The following BEAN1 variants were observed in gnomAD, a reference collection of about 807,000 sequenced individuals.
BEAN1 encodes brain expressed associated with NEDD4 1.
BEAN1 carries 17 observed loss-of-function variants against 17.7 expected under a neutral mutation model. That is an observed-to-expected ratio of 0.96 (90% confidence interval 0.66 to 1.44). BEAN1 has a LOEUF of 1.44. Ranked by LOEUF, BEAN1 falls within the 40% of genes most tolerant of loss-of-function variation. The pLI, the probability that BEAN1 is intolerant of heterozygous loss-of-function variation, is 0.00. For synonymous variants in BEAN1, 142 were observed against 151.8 expected (o/e 0.94, Z 0.47); for missense variants, 359 against 374.1 (o/e 0.96, Z 0.33).
rs1963975643 is a variant in BEAN1, at chr16:66,481,212, C to T, written c.*287C>T. 2.5e-6 allele frequency: 1 copy of T among 407,940 alleles called. No individual in the cohort carries two copies. Among genetic ancestry groups the T allele is most frequent in the East Asian group, 3.5e-5 (1 of 28,188 alleles). 25.3% of individuals were successfully genotyped at this position (407,940 alleles called of 1,614,324 possible). A position where few individuals can be genotyped will look rare whatever the true frequency, so the allele number is the denominator to read the frequency against. On this transcript the variant is annotated 3_prime_UTR_variant, in exon 5 of 5. Transcript: ENST00000536005. This position sits in a 1 kb window ranked among gnomAD's most constrained non-coding sequence, Gnocchi z 4.1. Reference sequence around the variant, plus strand: ...GAGCTCTCCTGGCCTCCCGTCCCTCCTCCCGGCCTGTTTGTTGTGCCTCTG... The same window carrying T: ...GAGCTCTCCTGGCCTCCCGTCCCTCTTCCCGGCCTGTTTGTTGTGCCTCTG...
chr16:66,455,930 G>A (rs778637244), intron 2 of BEAN1, among the ~76,000 whole-genome samples: 7 of 152,128 alleles, frequency 4.6e-5, no homozygotes, highest in East Asian at 1.9e-4. Flanking sequence ...CAAGCAATCC[G>A]CCCACCTCAG....
chr16:66,434,813 G>A lies in BEAN1; in HGVS notation c.-82-2782G>A, dbSNP rs776847371. ...GAAAGGCAGCCTCCACCCCTCAGTC[G>A]TGCGCTTGCATCAGGCTGAGGTTGG... On this transcript the variant is annotated intron_variant, in intron 1 of 4. Coordinates refer to ENST00000536005, the MANE Select transcript of BEAN1 (RefSeq NM_001178020.3). This position sits in a 1 kb window ranked among gnomAD's most constrained non-coding sequence, Gnocchi z 4.3. Among the ~76,000 whole-genome samples the A allele has an allele frequency of 8.5e-5, 13 of 152,130 alleles. No homozygotes were observed. Among genetic ancestry groups the A allele is most frequent in the Non-Finnish European group, 1.8e-4 (12 of 68,024 alleles).
chr16:66,452,575 GC>G (rs1314987302), intron 2 of BEAN1, among the ~76,000 whole-genome samples: 1 of 152,220 alleles, frequency 6.6e-6, no homozygotes, highest in Non-Finnish European at 1.5e-5. Flanking sequence ...AGGTCAGGTG[GC>G]ACCAGAATCC....
chr16:66,437,314 T>C (rs1184779332), intron 1 of BEAN1, among the ~76,000 whole-genome samples: 2 of 105,854 alleles, frequency 1.9e-5, no homozygotes, highest in East Asian at 4.8e-4. Context: ...AGAAGAACTC[T>C]GGGATCCTAA....
At chr16:66,443,636 C>T (rs1327715549) in intron 2 of BEAN1, among the ~76,000 whole-genome samples, 1 of 152,128 alleles carries the variant, frequency 6.6e-6, no homozygotes, top group Non-Finnish European at 1.5e-5. Context: ...AGTGAGTACT[C>T]GGCATTTGAT....
intron 2 of BEAN1, among the ~76,000 whole-genome samples, chr16:66,449,955 T>A (rs1962609337): frequency 6.6e-6 from 1 of 152,242 alleles, no homozygotes; most frequent in Admixed American, 6.5e-5. Flanking sequence ...ATGTAATTTA[T>A]TACTGAATTT....
At chr16:66,488,532 A>AC (rs1014965905) in intron 4 of BEAN1, among the ~76,000 whole-genome samples, 1 of 130,994 alleles carries the variant, frequency 7.6e-6, no homozygotes, top group African/African-American at 4.2e-5. Flanking sequence ...AAAAAAAAAA[A>AC]AAAAAAAACT....
At chr16:66,458,954 G>C (rs370007381) in intron 2 of BEAN1, among the ~76,000 whole-genome samples, 1 of 152,242 alleles carries the variant, frequency 6.6e-6, no homozygotes, top group African/African-American at 2.4e-5. Flanking sequence ...GCCTCGTCAG[G>C]GGACTTGGGG....
intron 3 of BEAN1, among the ~76,000 whole-genome samples, chr16:66,474,871 T>C (rs1963671628): frequency 6.6e-6 from 1 of 152,076 alleles, no homozygotes; most frequent in Non-Finnish European, 1.5e-5. Flanking sequence ...CTTCTGCAGG[T>C]TTAGAGCAAG....
intron 1 of BEAN1, among the ~76,000 whole-genome samples, chr16:66,431,963 T>G (rs1023487891): frequency 3.9e-5 from 6 of 152,026 alleles, no homozygotes; most frequent in African/African-American, 1.4e-4. Context: ...CGCACCACCA[T>G]GCCCAGCTAA....
chr16:66,463,209 G>T (rs1348687312), intron 2 of BEAN1, among the ~76,000 whole-genome samples: 3 of 152,190 alleles, frequency 2.0e-5, no homozygotes, highest in African/African-American at 7.2e-5. Flanking sequence ...AACCATTTGA[G>T]AACTGCCAGT....
At chr16:66,484,496 C>A, downstream of BEAN1, 1 of 430,056 alleles carries the variant, frequency 2.3e-6, no homozygotes, top group South Asian at 1.6e-5. This position sits in a 1 kb window ranked among gnomAD's most constrained non-coding sequence, Gnocchi z 4.2. Flanking sequence ...GGAGATGCCG[C>A]CTGTCTGTGC....
chr16:66,433,971 A>G (rs1961909170), intron 1 of BEAN1, among the ~76,000 whole-genome samples: 1 of 152,172 alleles, frequency 6.6e-6, no homozygotes, highest in Non-Finnish European at 1.5e-5. Context: ...CAGAGCCCAG[A>G]GTGGAGATAT....
At chr16:66,478,316 T>C (rs1342624697) in intron 4 of BEAN1, among the ~76,000 whole-genome samples, 2 of 152,174 alleles carry the variant, frequency 1.3e-5, no homozygotes, top group Non-Finnish European at 2.9e-5. Flanking sequence ...TAATAATACC[T>C]GCCCCAGCCG....
Position 66,429,756 on chromosome 16 carries a change from C to T in BEAN1, c.-83+2325C>T, listed in dbSNP as rs1961724696. Among the ~76,000 whole-genome samples the T allele has an allele frequency of 3.3e-5, 5 of 152,320 alleles. No homozygotes were observed. In the Middle Eastern group the frequency reaches 0.01, roughly 311 times the overall value. Reference sequence around the variant, plus strand: ...CTAGGGGTCACGTCGCTGTGTCTTCCAAAATCCTCACTCCTCATCTTCCCA... The same window carrying T: ...CTAGGGGTCACGTCGCTGTGTCTTCTAAAATCCTCACTCCTCATCTTCCCA... On this transcript the variant is annotated intron_variant, in intron 1 of 4. Coordinates refer to ENST00000536005, the MANE Select transcript of BEAN1 (RefSeq NM_001178020.3).
Position 66,481,059 on chromosome 16 carries a change from C to T in BEAN1, c.*134C>T, listed in dbSNP as rs3743709. ...CACATAGACCAAACTTGTATACACA[C>T]AGACATCTACACTGACATACCCCAT... is the stretch of plus-strand genomic sequence containing the variant. On this transcript the variant is annotated 3_prime_UTR_variant, in exon 5 of 5. Coordinates refer to ENST00000536005, the MANE Select transcript of BEAN1 (RefSeq NM_001178020.3). The surrounding 1 kb of genome is among the most constrained non-coding windows in gnomAD (Gnocchi z 4.1). 46,412 of 697,092 alleles carry T rather than the reference C, an allele frequency of 0.067. 2,063 individuals are homozygous for T. Among genetic ancestry groups the T allele is most frequent in the East Asian group, 0.14 (4,922 of 34,634 alleles). 43.2% of individuals were successfully genotyped at this position (697,092 alleles called of 1,614,324 possible).
intron 2 of BEAN1, among the ~76,000 whole-genome samples, chr16:66,456,991 C>A (rs1050925129): frequency 2.6e-5 from 4 of 152,180 alleles, no homozygotes; most frequent in Non-Finnish European, 5.9e-5. Context: ...TGAAAAGCTT[C>A]TATTTGGCAG....
intron 4 of BEAN1, among the ~76,000 whole-genome samples, chr16:66,490,580 AC>A (rs1964163528): frequency 1.3e-5 from 2 of 151,976 alleles, no homozygotes; most frequent in South Asian, 4.2e-4. Context: ...AGTAACTCTC[AC>A]CCCGCTGGCC....
intron 3 of BEAN1, among the ~76,000 whole-genome samples, chr16:66,474,837 G>A (rs544294586): frequency 6.6e-6 from 1 of 152,306 alleles, no homozygotes; most frequent in South Asian, 2.1e-4. Flanking sequence ...AGAGAGATCT[G>A]GTGGCTGACT....
Sources: gnomAD v4.1 joint callset for allele counts (sites outside exome capture counted in the v4.1 genomes callset) on GRCh38, gnomAD v4.1.1 for gene constraint, Gnocchi (gnomAD v3.1) non-coding constraint, MANE v1.5 for transcripts, NCBI Gene and HGNC (gene_info 2026-07-23, HGNC 2026-07-21) for gene names.